Variants in TENM2 observed in about 807,000 individuals in gnomAD.
The protein encoded by TENM2 is teneurin-2.
A neutral mutation model predicts 245.2 loss-of-function variants in TENM2; 52 were observed. The observed-to-expected ratio is 0.21, with a 90% CI of 0.17 to 0.27. The LOEUF is 0.27. Among genes scored for constraint, TENM2 ranks in the 10% least tolerant of loss-of-function variants. TENM2 has a pLI of 1.00. For missense variants in TENM2, 3,046 were observed against 3,666.8 expected (o/e 0.83, Z 4.37); for synonymous variants, 1,363 against 1,438.9 (o/e 0.95, Z 1.19).
At chr5:167,803,453 C>G (rs534084067) in intron 2 of TENM2, among the ~76,000 whole-genome samples, 95 of 152,194 alleles carry the variant, frequency 6.2e-4, no homozygotes, top group Non-Finnish European at 9.9e-4. Context: ...CCAGTGACAG[C>G]TTTCCTAGTC....
intron 7 of TENM2, among the ~76,000 whole-genome samples, chr5:168,082,000 C>T (rs1792047495): frequency 6.6e-6 from 1 of 152,180 alleles, no homozygotes; most frequent in South Asian, 2.1e-4. Flanking sequence ...TGGGAAAGTT[C>T]TCCTGGATAA....
At chr5:167,627,417 A>G (rs1288931450) in intron 2 of TENM2, among the ~76,000 whole-genome samples, 1 of 152,144 alleles carries the variant, frequency 6.6e-6, no homozygotes, top group Non-Finnish European at 1.5e-5. Context: ...GCAGAAAAAG[A>G]CCATAAGATG....
chr5:167,051,232 A>AT, the TENM2 span, among the ~76,000 whole-genome samples: 7 of 151,824 alleles, frequency 4.6e-5, no homozygotes, highest in Non-Finnish European at 1.0e-4. Flanking sequence ...AAAAAAAAAA[A>AT]GCAAAAGGCA....
the TENM2 span, among the ~76,000 whole-genome samples, chr5:167,231,544 T>C: frequency 0.21 from 31,691 of 152,142 alleles, 3,877 homozygotes; most frequent in African/African-American, 0.34. Flanking sequence ...TTAGGGTATC[T>C]GGCAGAAGAA....
intron 3 of TENM2, among the ~76,000 whole-genome samples, chr5:167,938,296 A>G (rs1202354056): frequency 1.3e-5 from 2 of 152,204 alleles, no homozygotes; most frequent in African/African-American, 4.8e-5. Context: ...CAGAATAGTG[A>G]CTTAGCCTTG....
intron 2 of TENM2, among the ~76,000 whole-genome samples, chr5:167,412,773 C>T (rs1260262802): frequency 2.0e-5 from 3 of 152,016 alleles, no homozygotes; most frequent in Non-Finnish European, 4.4e-5. Flanking sequence ...TTGCAGAATT[C>T]CCTTTGAAAT....
At chr5:167,829,452 A>G (rs1353615269) in intron 2 of TENM2, among the ~76,000 whole-genome samples, 3 of 152,346 alleles carry the variant, frequency 2.0e-5, no homozygotes, top group East Asian at 3.9e-4. Context: ...ATGTGTAAAC[A>G]TGAAGCAATT....
At chr5:168,115,354 A>AAGGAG (rs1794977049) in intron 9 of TENM2, among the ~76,000 whole-genome samples, 1 of 109,578 alleles carries the variant, frequency 9.1e-6, no homozygotes, top group Non-Finnish European at 1.9e-5. Flanking sequence ...AAAGGAGGGA[A>AAGGAG]GGAAGGGAAG....
chr5:167,558,864 G>A (rs1699742097), intron 2 of TENM2, among the ~76,000 whole-genome samples: 1 of 151,740 alleles, frequency 6.6e-6, no homozygotes, highest in Admixed American at 6.6e-5. Context: ...AAAAGGTTGG[G>A]GACTGCTGGT....
intron 12 of TENM2, among the ~76,000 whole-genome samples, chr5:168,131,659 CAGA>C (rs2152377105): frequency 6.6e-6 from 1 of 152,328 alleles, no homozygotes; most frequent in Admixed American, 6.5e-5. Context: ...AAGTGATTGT[CAGA>C]ATTAACCAAC....
intron 19 of TENM2, among the ~76,000 whole-genome samples, chr5:168,206,993 A>G (rs1245203070): frequency 6.6e-6 from 1 of 151,952 alleles, no homozygotes; most frequent in African/African-American, 2.4e-5. Flanking sequence ...CTAATCTACC[A>G]CATCACATCC....
chr5:167,150,033 C>G, the TENM2 span, among the ~76,000 whole-genome samples: 1 of 152,080 alleles, frequency 6.6e-6, no homozygotes, highest in African/African-American at 2.4e-5. Flanking sequence ...AGAGAAAACT[C>G]TTTAATGACT....
intron 2 of TENM2, among the ~76,000 whole-genome samples, chr5:167,475,952 A>G (rs1287262076): frequency 6.6e-6 from 1 of 152,190 alleles, no homozygotes; most frequent in Admixed American, 6.5e-5. Context: ...GTGCTGAAAA[A>G]AAATACATGT....
At chr5:167,927,076 G>A (rs577038047) in intron 3 of TENM2, among the ~76,000 whole-genome samples, 3 of 152,134 alleles carry the variant, frequency 2.0e-5, no homozygotes, top group African/African-American at 7.2e-5. Context: ...CATTGTATTC[G>A]TGTGTATGCC....
intron 9 of TENM2, among the ~76,000 whole-genome samples, chr5:168,099,910 G>T (rs1223744469): frequency 6.6e-6 from 1 of 152,150 alleles, no homozygotes; most frequent in Non-Finnish European, 1.5e-5. Flanking sequence ...AAGAAGGCAA[G>T]GTTTGTAGTT....
rs547248938 is a variant in TENM2 at position 167,940,994 on chromosome 5, C to G, written c.713-11594C>G. Among the ~76,000 whole-genome samples, 14 of 152,282 alleles carry G rather than the reference C, an allele frequency of 9.2e-5. No homozygotes were observed. In the South Asian group the frequency reaches 2.3e-3, roughly 25 times the overall value. On this transcript the variant is annotated intron_variant, in intron 3 of 28. Transcript: ENST00000518659. The stretch of plus-strand genomic sequence containing the variant: ...TGATTATTTCACGTGAGAGATGACT[C>G]CCTCTCTACATTATGGGATTAAGAA...
chr5:167,982,437 T>C (rs1163542424), intron 4 of TENM2, among the ~76,000 whole-genome samples: 1 of 152,216 alleles, frequency 6.6e-6, no homozygotes, highest in Non-Finnish European at 1.5e-5. Context: ...AGATATTGTG[T>C]TCATTGCAGA....
At chr5:168,063,968 T>TCCAC (rs1790280723) in intron 7 of TENM2, among the ~76,000 whole-genome samples, 3 of 151,900 alleles carry the variant, frequency 2.0e-5, no homozygotes, top group African/African-American at 7.3e-5. Flanking sequence ...CATCCATCCA[T>TCCAC]CCATCCATCC....
rs115129237 is a variant in TENM2, at chr5:167,663,874, A to G, written c.503-212112A>G. On this transcript the variant is annotated intron_variant, in intron 2 of 28. Coordinates refer to ENST00000518659, the Ensembl canonical transcript of TENM2. ...ATCACTTCTAGAAGTTCATTTTATA[A>G]TCAGACTGGTTTTTCCTTGAGAGTG... Among the ~76,000 whole-genome samples, 916 of 152,326 alleles carry G rather than the reference A, an allele frequency of 6.0e-3. 5 individuals carry two copies. Among genetic ancestry groups the G allele is most frequent in the African/African-American group, 0.019 (800 of 41,586 alleles).
Sources: allele counts gnomAD v4.1 joint callset (sites outside exome capture counted in the v4.1 genomes callset), GRCh38; gene constraint gnomAD v4.1.1; transcripts MANE v1.5; gene names NCBI Gene and HGNC (gene_info 2026-07-23, HGNC 2026-07-21).